Variants in FYCO1 observed in about 807,000 individuals in gnomAD.
FYCO1 encodes the protein FYVE and coiled-coil domain-containing protein 1.
Under a neutral mutation model 165.1 loss-of-function variants are expected in FYCO1, and 122 were observed. The ratio of observed to expected loss-of-function variants is 0.74; its 90% confidence interval spans 0.64 to 0.86. The LOEUF is 0.86. Ranked by LOEUF, FYCO1 falls within the 40% of genes least tolerant of loss-of-function variation. FYCO1 has a pLI of 0.00. For missense variants in FYCO1, 1,702 were observed against 1,810.3 expected (o/e 0.94, Z 1.09); for synonymous variants, 648 against 742.5 (o/e 0.87, Z 2.07).
chr3:45,975,398 A>G, intron 4 of FYCO1, 53 bp from the exon 5 acceptor site: 1 of 1,343,224 alleles, frequency 7.4e-7, no homozygotes, highest in Non-Finnish European at 1.1e-6. Flanking sequence ...AACTCCAAAT[A>G]CAGACCTGGT....
chr3:45,989,122 C>T (rs766380650), intron 1 of FYCO1, among the ~76,000 whole-genome samples: 9 of 152,244 alleles, frequency 5.9e-5, no homozygotes, highest in Non-Finnish European at 1.0e-4. Context: ...CCTTTCTCCA[C>T]CTTCAAAATT....
At chr3:45,980,708 T>C (rs1161007558) in intron 3 of FYCO1, among the ~76,000 whole-genome samples, 3 of 152,340 alleles carry the variant, frequency 2.0e-5, no homozygotes, top group East Asian at 1.9e-4. Flanking sequence ...TGCAAAATAA[T>C]GGTGTTCACA....
rs3821884 is a variant in FYCO1 at position 45,975,107 on chromosome 3, T to G, written c.395+132A>C. The G allele has an allele frequency of 0.58, 433,642 of 753,066 alleles. 126,637 individuals are homozygous for G. Among genetic ancestry groups the G allele is most frequent in the South Asian group, 0.7 (49,020 of 70,446 alleles). 46.6% of individuals were successfully genotyped at this position (753,066 alleles called of 1,614,324 possible). The stretch of plus-strand genomic sequence containing the variant: ...GGAGGAGGGGTGGAAGACAATGATA[T>G]ATGTGGAAGGAGTCTGCAGTGTCAC... On this transcript the variant is annotated intron_variant, in intron 5 of 17. Transcript: ENST00000296137.
intron 15 of FYCO1, among the ~76,000 whole-genome samples, chr3:45,932,512 C>T (rs1242200701): frequency 6.6e-6 from 1 of 152,252 alleles, no homozygotes; most frequent in Non-Finnish European, 1.5e-5. Flanking sequence ...AAGCCATCAT[C>T]TTCCTACCAT....
intron 2 of FYCO1, among the ~76,000 whole-genome samples, chr3:45,982,750 A>G (rs1276042435): frequency 6.6e-6 from 1 of 152,222 alleles, no homozygotes; most frequent in Non-Finnish European, 1.5e-5. Flanking sequence ...CAAGCCTAAG[A>G]TGGCTGAAAA....
chr3:45,963,121 C>T (rs1705795425), intron 10 of FYCO1, among the ~76,000 whole-genome samples: 1 of 152,026 alleles, frequency 6.6e-6, no homozygotes, highest in Non-Finnish European at 1.5e-5. Context: ...TTACTTTACA[C>T]CTTCCACATC....
At chr3:45,942,332 C>T (rs567332501) in intron 14 of FYCO1, among the ~76,000 whole-genome samples, 18 of 152,338 alleles carry the variant, frequency 1.2e-4, no homozygotes, top group Admixed American at 7.2e-4. Context: ...TACATAGAAG[C>T]ATCCAGCATA....
intron 2 of FYCO1, among the ~76,000 whole-genome samples, chr3:45,982,153 G>A (rs184903988): frequency 2.8e-4 from 42 of 152,264 alleles, no homozygotes; most frequent in Middle Eastern, 3.4e-3. Flanking sequence ...AATGACAACC[G>A]CACCTGCTTC....
chr3:45,932,775 A>C (rs532560324), intron 15 of FYCO1, among the ~76,000 whole-genome samples: 1 of 152,196 alleles, frequency 6.6e-6, no homozygotes, highest in Non-Finnish European at 1.5e-5. Flanking sequence ...AATTCAATTC[A>C]ATGCGATACT....
In FYCO1 at chr3:45,919,686, T is replaced by G. The variant is rs1210220249; in HGVS notation, c.*2079A>C. 1 of 152,222 alleles carries G rather than the reference T, an allele frequency of 6.6e-6. No homozygotes were observed. The highest frequency in any genetic ancestry group is 1.5e-5 in the Non-Finnish European group (1 of 68,046). The allele number at this position is 152,222 out of a possible 1,614,324, so 9.4% of individuals were successfully genotyped here. A position where few individuals can be genotyped will look rare whatever the true frequency, so the allele number is the denominator to read the frequency against. On this transcript the variant is annotated 3_prime_UTR_variant, in exon 18 of 18. Coordinates refer to ENST00000296137, the MANE Select transcript of FYCO1 (RefSeq NM_024513.4). The stretch of plus-strand genomic sequence containing the variant: ...GAAGGTCATCAGCTTGGCCAGAGTC[T>G]CCGCAGTATCCTTGGAAAGCCAAGC...
At position 45,973,208 on chromosome 3, in the gene FYCO1, G is replaced by T. The variant is rs756979296; in HGVS notation, c.419C>A (p.Pro140His). The T allele has an allele frequency of 4.3e-6, 7 of 1,614,152 alleles. No homozygotes were observed. Among genetic ancestry groups the T allele is most frequent in the Non-Finnish European group, 5.9e-6 (7 of 1,180,012 alleles). ...CGAGCTCAGCTTTGGCTGCAGAAAG[G>T]GGCTTCTTGCATAGTACCAGTCACT... ...VTSDWYYARSPFLQPKLSSDI... is the reference protein window; with the variant it reads ...VTSDWYYARSHFLQPKLSSDI... Residue 140 changes from proline (P) to histidine (H), a missense_variant, in exon 6 of 18, where the codon CCC becomes CAC. Physicochemically the swap from Pro to His is moderately conservative, Grantham distance 77 (BLOSUM62 -2). Transcript: ENST00000296137.
intron 14 of FYCO1, among the ~76,000 whole-genome samples, chr3:45,951,121 C>G (rs1397929739): frequency 6.6e-6 from 1 of 152,202 alleles, no homozygotes; most frequent in Non-Finnish European, 1.5e-5. Flanking sequence ...CAGGAGACGA[C>G]TGGGCTGCGC....
intron 13 of FYCO1, among the ~76,000 whole-genome samples, chr3:45,955,831 A>C (rs1021550476): frequency 2.0e-5 from 3 of 152,252 alleles, no homozygotes; most frequent in African/African-American, 7.2e-5. Flanking sequence ...TCTGACCTGC[A>C]TTTTCCCTTA....
chr3:45,935,093 G>A (rs550005565), intron 15 of FYCO1, among the ~76,000 whole-genome samples: 1 of 152,262 alleles, frequency 6.6e-6, no homozygotes, highest in Non-Finnish European at 1.5e-5. Flanking sequence ...TGGTGGAATA[G>A]ATTATTCTCT....
At chr3:45,925,559 C>T (rs1003972870) in intron 16 of FYCO1, among the ~76,000 whole-genome samples, 3 of 152,114 alleles carry the variant, frequency 2.0e-5, no homozygotes, top group Non-Finnish European at 2.9e-5. Flanking sequence ...TATAAGGATG[C>T]GATTACTTTC....
rs1706123341 is a variant in FYCO1, at chr3:45,967,391, G to C, written c.1943C>G (p.Ala648Gly). 6.2e-7 allele frequency: 1 copy of C among 1,611,872 alleles called. No homozygotes were observed. The highest frequency in any genetic ancestry group is 1.3e-5 in the African/African-American group (1 of 74,916). The stretch of plus-strand genomic sequence containing the variant: ...GATGGCTGATTCCCGCTGCTGCAAA[G>C]CCTGGTAATCGGCCTGCAGGGCTTG... ...KLQALQADYQ[A>G]LQQRESAIQG... The change falls in exon 8 of 18, where the codon GCT (alanine) becomes GGT (glycine). Residue 648 changes from alanine (A) to glycine (G), a missense_variant. Coordinates refer to ENST00000296137, the MANE Select transcript of FYCO1 (RefSeq NM_024513.4).
In FYCO1 at chr3:45,962,579, G is replaced by T. The variant is rs1034226486; in HGVS notation, c.3270-187C>A. Among the ~76,000 whole-genome samples the T allele has an allele frequency of 6.6e-6, 1 of 152,116 alleles. No homozygotes were observed. Among genetic ancestry groups the T allele is most frequent in the Non-Finnish European group, 1.5e-5 (1 of 68,002 alleles). ...TCTCCTCTCACCCCCACATACAAAG[G>T]GGCATTCTGGGAGGGAAAGCAGGCT... On this transcript the variant is annotated intron_variant, in intron 10 of 17. Coordinates refer to ENST00000296137, the MANE Select transcript of FYCO1 (RefSeq NM_024513.4). The surrounding 1 kb of genome is among the most constrained non-coding windows in gnomAD (Gnocchi z 4.4).
intron 15 of FYCO1, among the ~76,000 whole-genome samples, chr3:45,935,074 C>T (rs1188034159): frequency 6.6e-6 from 1 of 152,162 alleles, no homozygotes; most frequent in Non-Finnish European, 1.5e-5. Context: ...TCCAAGGTCA[C>T]CTGAGGACTG....
chr3:45,969,750 A>T lies in FYCO1; in HGVS notation c.555T>A (p.Thr185=). The part of the protein sequence containing the change: ...WPTFARRTLT[T]GSSAYLWKPP... ...GTTTCCACAGGTAAGCAGAAGAGCC[A>T]GTGGTCAGCGTCCTCCTGTGGGGCC... is the stretch of plus-strand genomic sequence containing the variant. Residue 185 remains threonine, a synonymous_variant, in exon 7 of 18, where the codon ACT becomes ACA. Transcript: ENST00000296137. 1 of 1,613,924 alleles carries T rather than the reference A, an allele frequency of 6.2e-7. No homozygotes were observed.
Sources: gnomAD v4.1 joint callset for allele counts (sites outside exome capture counted in the v4.1 genomes callset) on GRCh38, gnomAD v4.1.1 for gene constraint, Gnocchi (gnomAD v3.1) non-coding constraint, MANE v1.5 for transcripts, NCBI Gene and HGNC (gene_info 2026-07-23, HGNC 2026-07-21) for gene names.